Variants in PCDHA4 observed in about 807,000 individuals in gnomAD.
The protein encoded by PCDHA4 is protocadherin alpha 4, also known as protocadherin alpha-4.
Under a neutral mutation model 61.4 loss-of-function variants are expected in PCDHA4, and 49 were observed. The ratio of observed to expected loss-of-function variants is 0.80; its 90% CI spans 0.63 to 1.01. The LOEUF (loss-of-function observed/expected upper bound fraction) is 1.01. Ranked by LOEUF, PCDHA4 falls within the 50% of genes least tolerant of loss-of-function variation. The pLI is 0.00. For missense variants in PCDHA4, 1,254 were observed against 1,235.8 expected (o/e 1.01, Z -0.22); for synonymous variants, 590 against 550.3 (o/e 1.07, Z -1.01).
chr5:140,828,024 C>T (rs1769491669), intron 1 of PCDHA4: 2 of 1,516,724 alleles, frequency 1.3e-6, no homozygotes, highest in African/African-American at 1.4e-5. Flanking sequence ...TAATAAATTC[C>T]GGAACATACA....
Position 140,808,452 on chromosome 5 carries a change from A to AGC in PCDHA4, c.1266_1267dup (p.Leu423ArgfsTer4), listed in dbSNP as rs1272245501. 6.2e-7 allele frequency: 1 copy of AGC among 1,614,076 alleles called. No homozygotes were observed. Among genetic ancestry groups the AGC allele is most frequent in the Non-Finnish European group, 8.5e-7 (1 of 1,180,050 alleles). On this transcript the variant is annotated frameshift_variant, in exon 1 of 4. Transcript: ENST00000530339. LOFTEE classifies it high-confidence loss of function. The stretch of plus-strand genomic sequence containing the variant: ...GACCGCGAGAGCGTGTCAGCCTATG[A>AGC]GCTGGTGGTGACCGCGCGAGACGGG...
chr5:140,887,326 G>A (rs1344500973), intron 1 of PCDHA4, among the ~76,000 whole-genome samples: 7 of 152,230 alleles, frequency 4.6e-5, no homozygotes, highest in South Asian at 2.1e-4. Context: ...TCGAACTCCT[G>A]ACCTCGTGAT....
chr5:140,976,303 C>A (rs1458121600), intron 1 of PCDHA4, among the ~76,000 whole-genome samples: 10 of 152,090 alleles, frequency 6.6e-5, no homozygotes, highest in Non-Finnish European at 1.3e-4. Flanking sequence ...GTAATCCCAG[C>A]ACTTTGGGAG....
At chr5:140,924,837 G>A (rs1310509638) in intron 1 of PCDHA4, among the ~76,000 whole-genome samples, 2 of 151,426 alleles carry the variant, frequency 1.3e-5, no homozygotes, top group African/African-American at 4.9e-5. Flanking sequence ...GGAGGTTGCA[G>A]GGAGCTCAGA....
intron 1 of PCDHA4, chr5:140,882,971 G>A (rs1562782227): frequency 3.1e-6 from 5 of 1,614,206 alleles, no homozygotes; most frequent in Admixed American, 1.7e-5. Flanking sequence ...GATTCTGGAC[G>A]TGAATGACAA....
intron 1 of PCDHA4, among the ~76,000 whole-genome samples, chr5:140,950,299 C>T (rs246045): frequency 0.56 from 85,681 of 151,798 alleles, 24,780 homozygotes; most frequent in African/African-American, 0.69. Context: ...AAAAACTTTA[C>T]TTAGCAGTTT....
At position 140,978,454 on chromosome 5, in the gene PCDHA4, C is replaced by T. The variant is rs980177257; in HGVS notation, c.2386-495C>T. Among the ~76,000 whole-genome samples, 5 of 152,314 alleles carry T rather than the reference C, an allele frequency of 3.3e-5. No individual in the cohort carries two copies. The South Asian group carries it at 8.3e-4, about 25-fold the overall frequency. ...TGCTGGTGTTATGACTGGGCACATC[C>T]GCCCTGGGTCAAATATGCTGCAGTC... On this transcript the variant is annotated intron_variant, in intron 1 of 3. Coordinates refer to ENST00000530339, the MANE Select transcript of PCDHA4 (RefSeq NM_018907.4).
intron 1 of PCDHA4, chr5:140,870,490 G>T: frequency 1.2e-6 from 2 of 1,614,234 alleles, no homozygotes; most frequent in Non-Finnish European, 8.5e-7. Flanking sequence ...CACCGTGTTC[G>T]TGAAGGAGAA....
intron 3 of PCDHA4, among the ~76,000 whole-genome samples, chr5:141,000,522 G>A (rs1294045842): frequency 4.2e-5 from 6 of 143,688 alleles, no homozygotes; most frequent in African/African-American, 1.6e-4. Context: ...CCTTCTCCAG[G>A]GTTCAAGTGA....
chr5:140,953,316 T>G (rs782746401), intron 1 of PCDHA4, among the ~76,000 whole-genome samples: 3 of 152,138 alleles, frequency 2.0e-5, no homozygotes, highest in Non-Finnish European at 2.9e-5. Flanking sequence ...TGGGAAGAAT[T>G]TGATCATAGA....
At chr5:140,881,350 T>G (rs1189745119) in intron 1 of PCDHA4, 10 of 985,236 alleles carry the variant, frequency 1.0e-5, no homozygotes, top group Non-Finnish European at 1.2e-5. Context: ...CGGGCTACAA[T>G]GCGTGGCTTT....
intron 3 of PCDHA4, among the ~76,000 whole-genome samples, chr5:141,004,852 GA>G (rs1474938614): frequency 6.6e-6 from 1 of 152,202 alleles, no homozygotes; most frequent in African/African-American, 2.4e-5. Flanking sequence ...TAGTCTCAGA[GA>G]AAAAATTTGT....
At chr5:140,940,764 G>C (rs977154290) in intron 1 of PCDHA4, among the ~76,000 whole-genome samples, 1 of 152,080 alleles carries the variant, frequency 6.6e-6, no homozygotes, top group Non-Finnish European at 1.5e-5. Context: ...ACTTTTATTT[G>C]ACTTTTGATG....
chr5:140,889,103 T>C (rs1554183781), intron 1 of PCDHA4, among the ~76,000 whole-genome samples: 2 of 151,990 alleles, frequency 1.3e-5, no homozygotes. Flanking sequence ...TTTTTTCATC[T>C]TTATTCCAGG....
At chr5:140,843,177 G>A (rs1778635433) in intron 1 of PCDHA4, 1 of 1,596,058 alleles carries the variant, frequency 6.3e-7, no homozygotes, top group Non-Finnish European at 8.6e-7. Context: ...AGCAGCCCTC[G>A]CATCCCGTTC....
chr5:140,818,145 ATACGGCTTC>A (rs2150049293), intron 1 of PCDHA4, among the ~76,000 whole-genome samples: 1 of 152,356 alleles, frequency 6.6e-6, no homozygotes, highest in African/African-American at 2.4e-5. Context: ...ATGCCTTCAA[ATACGGCTTC>A]TACTTCATAT....
intron 3 of PCDHA4, among the ~76,000 whole-genome samples, chr5:140,995,889 A>G (rs1007675217): frequency 1.3e-5 from 2 of 152,202 alleles, no homozygotes; most frequent in African/African-American, 4.8e-5. Context: ...CTTCAGATTT[A>G]TCAATGTATA....
intron 1 of PCDHA4, chr5:140,876,994 G>C (rs375771604): frequency 3.7e-6 from 6 of 1,612,620 alleles, no homozygotes; most frequent in South Asian, 1.1e-5. Context: ...GTCGAGCTAC[G>C]TGTCGGTGCA....
In PCDHA4 at chr5:140,830,129, T is replaced by A. The variant is rs2150181526; in HGVS notation, c.2385+20557T>A. 13 of 1,613,250 alleles carry A rather than the reference T, an allele frequency of 8.1e-6. No homozygotes were observed. In the African/African-American group the frequency reaches 1.7e-4, roughly 22 times the overall value. On this transcript the variant is annotated intron_variant, in intron 1 of 3. Transcript: ENST00000530339. ...GAGTGGCCAGGCTCCAAAGGCGTCA[T>A]CACGGGCGTCGGTGGGCGCCGCGGG...
Sources: allele counts gnomAD v4.1 joint callset (sites outside exome capture counted in the v4.1 genomes callset), GRCh38; gene constraint gnomAD v4.1.1; transcripts MANE v1.5; gene names NCBI Gene and HGNC (gene_info 2026-07-23, HGNC 2026-07-21).